POU2F2: variants seen among roughly 807,000 people sequenced by gnomAD.
The protein encoded by POU2F2 is POU class 2 homeobox 2.
In POU2F2, 14 loss-of-function variants were observed where a neutral mutation model predicts 63.5. The observed-to-expected ratio is 0.22, with a 90% CI of 0.15 to 0.34. POU2F2 has a LOEUF of 0.34. Ranked by LOEUF, POU2F2 falls within the 10% of genes least tolerant of loss-of-function variation. The pLI is 1.00. For synonymous variants in POU2F2, 306 were observed against 348.6 expected, an observed-to-expected ratio of 0.88 and a Z score of 1.36; for missense variants, 607 against 815.2, an observed-to-expected ratio of 0.74 and a Z score of 3.11.
intron 2 of POU2F2, among the ~76,000 whole-genome samples, chr19:42,150,290 G>T (rs115123972): frequency 1.3e-5 from 2 of 152,022 alleles, no homozygotes; most frequent in Admixed American, 6.6e-5. Flanking sequence ...GGCCTAGATG[G>T]GGGGTGGAAG....
chr19:42,173,186 C>T (rs1173987235), intron 1 of POU2F2, among the ~76,000 whole-genome samples: 2 of 152,124 alleles, frequency 1.3e-5, no homozygotes, highest in Non-Finnish European at 2.9e-5. Flanking sequence ...TCTGAGGAGG[C>T]CTTACACCCA....
At chr19:42,158,677 C>T (rs1049630873) in intron 2 of POU2F2, among the ~76,000 whole-genome samples, 1 of 152,140 alleles carries the variant, frequency 6.6e-6, no homozygotes, top group Non-Finnish European at 1.5e-5. Context: ...AAGTCAGTCA[C>T]CCACATGTCC....
intron 2 of POU2F2, among the ~76,000 whole-genome samples, chr19:42,151,345 C>A (rs2034346843): frequency 6.6e-6 from 1 of 152,026 alleles, no homozygotes; most frequent in African/African-American, 2.4e-5. Context: ...CCTCCTCTGC[C>A]CTCCCCCTCG....
intron 1 of POU2F2, among the ~76,000 whole-genome samples, chr19:42,124,903 G>C (rs148160977): frequency 3.3e-5 from 5 of 152,304 alleles, no homozygotes; most frequent in South Asian, 4.1e-4. Flanking sequence ...GAGCACCTTG[G>C]GGGTACTGAC....
rs750026327 is a variant in POU2F2 at position 42,169,840 on chromosome 19, A to G, written c.-70+6123T>C. Among the ~76,000 whole-genome samples, 30 of 151,702 alleles carry G rather than the reference A, an allele frequency of 2.0e-4. No homozygotes were observed. Among genetic ancestry groups the G allele is most frequent in the Non-Finnish European group, 2.9e-5 (2 of 67,934 alleles). On this transcript the variant is annotated intron_variant, in intron 1 of 6. Transcript: ENST00000524801. This position sits in a 1 kb window ranked among gnomAD's most constrained non-coding sequence, Gnocchi z 4.3. ...CTTCCCCTCGCTGCTGCGCCTTCCCAGTCTGGATGAGTACCTTTTCTCTGT... is the reference window on the plus strand; with the variant it reads ...CTTCCCCTCGCTGCTGCGCCTTCCCGGTCTGGATGAGTACCTTTTCTCTGT...
intron 4 of POU2F2, among the ~76,000 whole-genome samples, chr19:42,120,690 A>G (rs561545931): frequency 6.6e-6 from 1 of 152,304 alleles, no homozygotes; most frequent in African/African-American, 2.4e-5. Flanking sequence ...CATTTAAAAA[A>G]CATTTATTTA....
intron 2 of POU2F2, among the ~76,000 whole-genome samples, chr19:42,159,407 C>T (rs1393393846): frequency 2.6e-5 from 4 of 152,144 alleles, no homozygotes. Context: ...ATTCCTGGTA[C>T]AGCAAAGGAC....
intron 1 of POU2F2, among the ~76,000 whole-genome samples, chr19:42,189,704 TAG>T (rs779056169): frequency 3.3e-5 from 5 of 151,784 alleles, no homozygotes; most frequent in Non-Finnish European, 7.4e-5. Context: ...TGGAGGAAGG[TAG>T]AGGTTTTTTT....
chr19:42,094,554 A>G (rs2076848233), intron 11 of POU2F2, among the ~76,000 whole-genome samples: 2 of 152,042 alleles, frequency 1.3e-5, no homozygotes, highest in African/African-American at 4.8e-5. Context: ...CCAGCTCTTC[A>G]CTGTAAAACT....
In POU2F2 at chr19:42,162,217, G is replaced by A. The variant is rs746326441; in HGVS notation, c.-69-1825C>T. ...CTGCCCTCTGCTACCTGGGGCTGTGGTGCCCATAGGCAGCACCATCCCTGG... is the reference window on the plus strand; with the variant it reads ...CTGCCCTCTGCTACCTGGGGCTGTGATGCCCATAGGCAGCACCATCCCTGG... On this transcript the variant is annotated intron_variant, in intron 1 of 6. Coordinates refer to the POU2F2 transcript ENST00000524801. The surrounding 1 kb of genome is among the most constrained non-coding windows in gnomAD (Gnocchi z 4.1). 3.2e-4 allele frequency among the ~76,000 whole-genome samples: 48 copies of A among 152,252 alleles called. No individual in the cohort carries two copies. Among genetic ancestry groups the A allele is most frequent in the African/African-American group, 1.2e-3 (48 of 41,542 alleles).
intron 1 of POU2F2, among the ~76,000 whole-genome samples, chr19:42,131,842 G>T (rs908123793): frequency 1.3e-5 from 2 of 152,004 alleles, no homozygotes; most frequent in African/African-American, 4.8e-5. Flanking sequence ...ATGAAGTGAA[G>T]AAGGGAGCCA....
At chr19:42,176,397 C>T (rs1250968362), upstream of POU2F2, among the ~76,000 whole-genome samples, 1 of 152,154 alleles carries the variant, frequency 6.6e-6, no homozygotes, top group Non-Finnish European at 1.5e-5. Context: ...CGCCCACTGC[C>T]TGCCTCTTTC....
intron 5 of POU2F2, among the ~76,000 whole-genome samples, chr19:42,107,223 C>T (rs1036654181): frequency 6.6e-5 from 10 of 151,724 alleles, no homozygotes; most frequent in African/African-American, 1.2e-4. Context: ...GGTGTGGTGG[C>T]GGGCGCCTGT....
At chr19:42,167,110 T>C (rs978093779) in intron 1 of POU2F2, among the ~76,000 whole-genome samples, 1 of 151,940 alleles carries the variant, frequency 6.6e-6, no homozygotes, top group South Asian at 2.1e-4. Flanking sequence ...CACAAGAAAA[T>C]ATATTTAAGA....
chr19:42,091,821 G>T, intron 14 of POU2F2, 46 bp downstream of exon 14: 1 of 1,541,034 alleles, frequency 6.5e-7, no homozygotes. Context: ...CGAGGCCCCA[G>T]AGGATAGGGC....
rs55947953 is a variant in POU2F2, at chr19:42,182,242, A to AAGAGAGAGAGAGAGAG, written c.-70+14125_-70+14140dup. Among the ~76,000 whole-genome samples, 113 of 125,994 alleles carry AAGAGAGAGAGAGAGAG rather than the reference A, an allele frequency of 9.0e-4. 3 individuals are homozygous for AAGAGAGAGAGAGAGAG. The highest frequency in any genetic ancestry group is 2.4e-3 in the Admixed American group (28 of 11,906). The allele number at this position is 125,994 out of a possible 152,430, so 82.7% of individuals were successfully genotyped here. A position where few individuals can be genotyped will look rare whatever the true frequency, so the allele number is the denominator to read the frequency against. On this transcript the variant is annotated intron_variant, in intron 1 of 5. Transcript: ENST00000532176. ...GCGATAGAGCAAGACTCTGTCTCAAAAGAGAGAGAGAGAGAGAGAGAGAGA... is the reference window on the plus strand; with the variant it reads ...GCGATAGAGCAAGACTCTGTCTCAAAAGAGAGAGAGAGAGAGAGAGAGAGAGAGAGAGAGAGAGAGA...
rs751751777 is a variant in POU2F2, at chr19:42,095,813, G to C, written c.846C>G (p.Leu282=). Residue 282 remains leucine, a synonymous_variant, in exon 9 of 15, where the codon CTC becomes CTG. Coordinates refer to ENST00000692977, the MANE Select transcript of POU2F2 (RefSeq NM_001394376.1). The surrounding 1 kb of genome is among the most constrained non-coding windows in gnomAD (Gnocchi z 7.1). ...CTGCATCGTTGAGCCACTTCTCCAG[G>C]AGGGGCTTGAGTTTGCACATGTTCT... The part of the protein sequence containing the change: ...SFKNMCKLKP[L]LEKWLNDAET... The C allele has an allele frequency of 6.2e-6, 10 of 1,613,940 alleles. No individual in the cohort carries two copies. The highest frequency in any genetic ancestry group is 8.5e-6 in the Non-Finnish European group (10 of 1,179,946).
At position 42,089,718 on chromosome 19, in the gene POU2F2, ATATATATATATATGTT is replaced by A. The variant is rs2076654805; in HGVS notation, c.*1523_*1538del. On this transcript the variant is annotated 3_prime_UTR_variant, in exon 15 of 15. Transcript: ENST00000692977. The stretch of plus-strand genomic sequence containing the variant: ...CTCATCTTCTTTCCCTTTTATATAT[ATATATATATATATGTT>A]TATATATATATATAAATTTTTTTTC... 1.4e-5 allele frequency: 2 copies of A among 147,018 alleles called. No individual in the cohort carries two copies. The highest frequency in any genetic ancestry group is 1.4e-4 in the Admixed American group (2 of 14,714). 9.1% of individuals were successfully genotyped at this position (147,018 alleles called of 1,614,324 possible).
At chr19:42,110,845 T>G (rs1435346892) in intron 5 of POU2F2, 9 of 415,128 alleles carry the variant, frequency 2.2e-5, no homozygotes, top group Admixed American at 1.0e-4. Context: ...TGGCAGTCAT[T>G]ATGACTGAGT....
Sources: gnomAD v4.1 joint callset for allele counts (sites outside exome capture counted in the v4.1 genomes callset) on GRCh38, gnomAD v4.1.1 for gene constraint, Gnocchi (gnomAD v3.1) non-coding constraint, MANE v1.5 for transcripts, NCBI Gene and HGNC (gene_info 2026-07-23, HGNC 2026-07-21) for gene names.